Variants in PIK3R4 observed in about 807,000 individuals in gnomAD.
PIK3R4 encodes phosphoinositide-3-kinase regulatory subunit 4.
PIK3R4 carries 46 observed loss-of-function variants against 136.5 expected under a neutral mutation model. That is an observed-to-expected ratio of 0.34 (90% CI 0.27 to 0.43). The LOEUF (loss-of-function observed/expected upper bound fraction) is 0.43, where lower values mean the gene tolerates loss of function less well. Among genes scored for constraint, PIK3R4 ranks in the 20% least tolerant of loss-of-function variants. PIK3R4 has a pLI of 1.00. For missense variants in PIK3R4, 1,331 were observed against 1,649.5 expected, an observed-to-expected ratio of 0.81 and a Z score of 3.35; for synonymous variants, 557 against 566.7, an observed-to-expected ratio of 0.98 and a Z score of 0.24.
intron 12 of PIK3R4, among the ~76,000 whole-genome samples, chr3:130,705,137 C>CT (rs2066599483): frequency 6.6e-6 from 1 of 152,086 alleles, no homozygotes; most frequent in African/African-American, 2.4e-5. Context: ...AGCCTGTTTT[C>CT]TTTTTAAAAA....
chr3:130,733,481 A>T, intron 4 of PIK3R4, 67 bp downstream of exon 4: 5 of 985,600 alleles, frequency 5.1e-6, no homozygotes, highest in Non-Finnish European at 6.2e-6. Context: ...TCAGAAAAAC[A>T]AGCAGTATTA....
chr3:130,713,095 A>G (rs1195193118), intron 9 of PIK3R4, among the ~76,000 whole-genome samples: 1 of 152,230 alleles, frequency 6.6e-6, no homozygotes, highest in Admixed American at 6.5e-5. Flanking sequence ...TTTTAAGGAT[A>G]GTCAAAAATA....
At chr3:130,708,041 T>C (rs1299025214) in intron 10 of PIK3R4, among the ~76,000 whole-genome samples, 2 of 152,174 alleles carry the variant, frequency 1.3e-5, no homozygotes, top group Admixed American at 6.5e-5. Context: ...ACTGTAAAAG[T>C]AGAGCTTTGG....
intron 15 of PIK3R4, 93 bp from the exon 16 acceptor site, chr3:130,684,474 G>T: frequency 8.7e-7 from 1 of 1,152,250 alleles, no homozygotes; most frequent in Non-Finnish European, 1.2e-6. Flanking sequence ...AGCTTTTTAT[G>T]AATTTATTTG....
intron 4 of PIK3R4, among the ~76,000 whole-genome samples, chr3:130,731,538 T>C (rs573804795): frequency 6.6e-6 from 1 of 152,286 alleles, no homozygotes; most frequent in East Asian, 1.9e-4. Flanking sequence ...CATATCCTGA[T>C]AATATGTCAA....
At chr3:130,726,768 A>G (rs1034384990) in intron 6 of PIK3R4, among the ~76,000 whole-genome samples, 5 of 152,046 alleles carry the variant, frequency 3.3e-5, no homozygotes, top group Non-Finnish European at 5.9e-5. Flanking sequence ...TTAAATTAAG[A>G]CAAACTAATA....
chr3:130,718,169 A>C (rs577855960), intron 8 of PIK3R4, among the ~76,000 whole-genome samples: 16 of 152,330 alleles, frequency 1.1e-4, no homozygotes, highest in African/African-American at 3.8e-4. Flanking sequence ...TGTACGCTAC[A>C]TTAGATATAA....
At position 130,713,499 on chromosome 3, in the gene PIK3R4, G is replaced by A. The variant is rs964153862; in HGVS notation, c.2331+2897C>T. ...AGTGGTAGAAGGGATTACAAGAACC[G>A]TAGGAAGCAGGAAGTAGAAAGGCTA... is the stretch of plus-strand genomic sequence containing the variant. On this transcript the variant is annotated intron_variant, in intron 9 of 19. Transcript: ENST00000356763. Among the ~76,000 whole-genome samples the A allele has an allele frequency of 3.9e-5, 6 of 152,266 alleles. No homozygotes were observed. The East Asian group carries it at 5.8e-4, about 15-fold the overall frequency.
chr3:130,710,738 A>C (rs2066628651), intron 9 of PIK3R4, among the ~76,000 whole-genome samples: 1 of 152,300 alleles, frequency 6.6e-6, no homozygotes, highest in East Asian at 1.9e-4. Context: ...AGGAAATATA[A>C]AAATTGTTCC....
intron 14 of PIK3R4, among the ~76,000 whole-genome samples, chr3:130,689,983 G>A (rs765669564): frequency 1.3e-4 from 20 of 152,180 alleles, no homozygotes; most frequent in African/African-American, 2.6e-4. Context: ...TAAAACCACC[G>A]CTATTTTGTT....
intron 13 of PIK3R4, among the ~76,000 whole-genome samples, chr3:130,702,462 A>C (rs968184348): frequency 6.6e-5 from 10 of 152,210 alleles, no homozygotes; most frequent in African/African-American, 2.4e-4. Flanking sequence ...ATCGGCACAA[A>C]ATCTTAAGTA....
At position 130,734,111 on chromosome 3, in the gene PIK3R4, C is replaced by T. The variant is rs780726079; in HGVS notation, c.887G>A (p.Arg296His). Reference protein sequence around the residue: ...IRELVTQMIHREPDKRLEAED... With the variant: ...IRELVTQMIHHEPDKRLEAED... ...TGCCTCTAAACGTTTATCTGGCTCACGGTGAATCATCTGAGTTACCTATAC... is the reference window on the plus strand; with the variant it reads ...TGCCTCTAAACGTTTATCTGGCTCATGGTGAATCATCTGAGTTACCTATAC... The change falls in exon 4 of 20, where the codon CGT (arginine) becomes CAT (histidine). Residue 296 changes from arginine (R) to histidine (H), a missense_variant. Around this residue, in one of 2 missense-constraint regions of PIK3R4, gnomAD observed 1,180 missense variants for 1,407.0 expected, o/e 0.84. Transcript: ENST00000356763. The T allele has an allele frequency of 3.3e-5, 53 of 1,611,806 alleles. 1 individual carries two copies. Among genetic ancestry groups the T allele is most frequent in the South Asian group, 2.1e-4 (19 of 90,940 alleles).
At chr3:130,680,544 A>T in intron 19 of PIK3R4, 69 bp downstream of exon 19, 1 of 767,180 alleles carries the variant, frequency 1.3e-6, no homozygotes, top group Non-Finnish European at 2.2e-6. Context: ...CATTTATTTT[A>T]ATCAATTCTG....
chr3:130,711,619 A>AT (rs1413757477), intron 9 of PIK3R4, among the ~76,000 whole-genome samples: 1 of 152,230 alleles, frequency 6.6e-6, no homozygotes, highest in Admixed American at 6.5e-5. Flanking sequence ...TACACAAAGC[A>AT]TCATGTTCTG....
At chr3:130,699,429 TG>T (rs956442492) in intron 13 of PIK3R4, among the ~76,000 whole-genome samples, 1 of 152,152 alleles carries the variant, frequency 6.6e-6, no homozygotes, top group Non-Finnish European at 1.5e-5. Context: ...ACCCCTCCAC[TG>T]TCTACTAAGG....
intron 3 of PIK3R4, among the ~76,000 whole-genome samples, chr3:130,735,277 A>C (rs1437198014): frequency 6.6e-6 from 1 of 152,202 alleles, no homozygotes; most frequent in African/African-American, 2.4e-5. Context: ...CATCACCACA[A>C]TATCAGTTAC....
At chr3:130,704,102 T>C (rs933588198) in intron 12 of PIK3R4, among the ~76,000 whole-genome samples, 1 of 152,184 alleles carries the variant, frequency 6.6e-6, no homozygotes, top group African/African-American at 2.4e-5. Context: ...GTTGCTTAAA[T>C]AGCTTCAGAA....
chr3:130,713,755 C>G (rs982457193), intron 9 of PIK3R4, among the ~76,000 whole-genome samples: 34 of 152,190 alleles, frequency 2.2e-4, no homozygotes, highest in African/African-American at 7.2e-4. Context: ...TCAATGCGAC[C>G]TCTGCCTCCC....
intron 13 of PIK3R4, among the ~76,000 whole-genome samples, chr3:130,690,906 T>TC (rs2066514495): frequency 6.7e-6 from 1 of 150,348 alleles, no homozygotes; most frequent in Admixed American, 6.6e-5. Flanking sequence ...TTTTTTTTTT[T>TC]TTTTTTTCTG....
Sources: allele counts gnomAD v4.1 joint callset (sites outside exome capture counted in the v4.1 genomes callset), GRCh38; gene constraint gnomAD v4.1.1; regional missense constraint gnomAD v4.1.1; transcripts MANE v1.5; gene names NCBI Gene and HGNC (gene_info 2026-07-23, HGNC 2026-07-21).